The following ZNRF2 variants were observed in gnomAD, a reference collection of about 807,000 sequenced individuals.
The protein encoded by ZNRF2 is E3 ubiquitin-protein ligase ZNRF2.
In ZNRF2, 16 loss-of-function variants were observed where a neutral mutation model predicts 20.4. The ratio of observed to expected loss-of-function variants is 0.79; its 90% CI spans 0.53 to 1.19. The LOEUF (loss-of-function observed/expected upper bound fraction) is 1.19. ZNRF2 is among the 50% of genes most tolerant of loss of function. ZNRF2 has a pLI of 0.00. For missense variants in ZNRF2, 363 were observed against 332.4 expected (o/e 1.09, Z -0.72); for synonymous variants, 178 against 144.9 (o/e 1.23, Z -1.64).
intron 1 of ZNRF2, among the ~76,000 whole-genome samples, chr7:30,319,140 C>T (rs180986931): frequency 6.6e-6 from 1 of 151,768 alleles, no homozygotes; most frequent in East Asian, 1.9e-4. Flanking sequence ...CGTTTTAGAA[C>T]TGTACTCTTT....
chr7:30,295,048 A>AGTGTGTGT (rs1562603702), intron 1 of ZNRF2, among the ~76,000 whole-genome samples: 85 of 79,078 alleles, frequency 1.1e-3, no homozygotes, highest in Non-Finnish European at 1.5e-3. Context: ...AGAGAGAGAG[A>AGTGTGTGT]GAGTGTGTGT....
At position 30,332,682 on chromosome 7, in the gene ZNRF2, A is replaced by G. The variant is rs148169083; in HGVS notation, c.565+8945A>G. On this transcript the variant is annotated intron_variant, in intron 2 of 4. Coordinates refer to ENST00000323037, the MANE Select transcript of ZNRF2 (RefSeq NM_147128.4). The stretch of plus-strand genomic sequence containing the variant: ...AGTATAATGGCCTCTAGCTGCATCC[A>G]TATTGCTGCAAATGATATTGTTTCA... Among the ~76,000 whole-genome samples the G allele has an allele frequency of 3.3e-5, 5 of 152,234 alleles. No individual in the cohort carries two copies. The East Asian group carries it at 9.7e-4, about 29-fold the overall frequency.
intron 1 of ZNRF2, among the ~76,000 whole-genome samples, chr7:30,302,651 T>G (rs1393776895): frequency 6.6e-6 from 1 of 152,166 alleles, no homozygotes; most frequent in Non-Finnish European, 1.5e-5. Flanking sequence ...GTAGAAATAT[T>G]GCTGTTGTTT....
At chr7:30,316,813 T>C (rs1308637330) in intron 1 of ZNRF2, among the ~76,000 whole-genome samples, 5 of 152,328 alleles carry the variant, frequency 3.3e-5, no homozygotes, top group African/African-American at 1.2e-4. Flanking sequence ...TTATAGAAGT[T>C]AGTTAGCTTG....
In ZNRF2 at chr7:30,285,406, G is replaced by A; in HGVS notation, c.49G>A (p.Ala17Thr). 4.8e-6 allele frequency: 6 copies of A among 1,261,734 alleles called. No individual in the cohort carries two copies. The highest frequency in any genetic ancestry group is 3.0e-5 in the South Asian group (2 of 65,784). The allele number at this position is 1,261,734 out of a possible 1,614,324, so 78.2% of individuals were successfully genotyped here. ...GPAAANGRTR[A>T]YSGSDLPSSS... The stretch of plus-strand genomic sequence containing the variant: ...GGCCGCCGCTAACGGCCGCACGCGC[G>A]CGTACTCGGGCTCGGATCTACCTTC... Residue 17 changes from alanine (A) to threonine (T), a missense_variant, in exon 1 of 5, where the codon GCG (alanine) becomes ACG (threonine). Physicochemically the swap from Ala to Thr is moderately conservative, Grantham distance 58. Transcript: ENST00000323037.
At chr7:30,296,943 T>C (rs1257225385) in intron 1 of ZNRF2, among the ~76,000 whole-genome samples, 1 of 152,244 alleles carries the variant, frequency 6.6e-6, no homozygotes, top group Non-Finnish European at 1.5e-5. Flanking sequence ...AGCTGTTATC[T>C]GGAGATGAGA....
chr7:30,305,858 A>G (rs944399586), intron 1 of ZNRF2, among the ~76,000 whole-genome samples: 4 of 152,172 alleles, frequency 2.6e-5, no homozygotes, highest in African/African-American at 9.6e-5. Flanking sequence ...TGTGATTCTT[A>G]TTACATTCAT....
chr7:30,312,969 T>A (rs1562609302), intron 1 of ZNRF2, among the ~76,000 whole-genome samples: 1 of 152,172 alleles, frequency 6.6e-6, no homozygotes. Context: ...GAGGAATAAT[T>A]TATATATCTT....
chr7:30,303,596 A>G (rs1799153710), intron 1 of ZNRF2, among the ~76,000 whole-genome samples: 1 of 152,178 alleles, frequency 6.6e-6, no homozygotes, highest in Non-Finnish European at 1.5e-5. Flanking sequence ...ATAAACTGTG[A>G]TGTTAGTGTT....
chr7:30,365,147 C>CTTTTTTTT (rs533354831), intron 4 of ZNRF2, among the ~76,000 whole-genome samples: 2 of 70,328 alleles, frequency 2.8e-5, no homozygotes, highest in African/African-American at 6.2e-5. Context: ...AGCTGATAAG[C>CTTTTTTTT]TTTTTTTTTT....
intron 1 of ZNRF2, among the ~76,000 whole-genome samples, chr7:30,290,858 G>T (rs555362085): frequency 5.3e-5 from 8 of 152,290 alleles, no homozygotes; most frequent in African/African-American, 1.9e-4. Context: ...TAATAAACAT[G>T]AACTTAACCC....
chr7:30,314,439 A>G (rs1346505359), intron 1 of ZNRF2, among the ~76,000 whole-genome samples: 1 of 152,162 alleles, frequency 6.6e-6, no homozygotes, highest in African/African-American at 2.4e-5. Context: ...TTTGTAGGTT[A>G]TATGTATTTA....
chr7:30,317,013 G>T (rs907400101), intron 1 of ZNRF2, among the ~76,000 whole-genome samples: 2 of 151,474 alleles, frequency 1.3e-5, no homozygotes, highest in African/African-American at 4.9e-5. Flanking sequence ...TTTTTTACTG[G>T]CATGTTTAAA....
At chr7:30,361,647 C>T (rs538249326) in intron 3 of ZNRF2, among the ~76,000 whole-genome samples, 2 of 152,106 alleles carry the variant, frequency 1.3e-5, no homozygotes, top group African/African-American at 2.4e-5. Flanking sequence ...TATGCTGTCC[C>T]CTAGAGTAGT....
At chr7:30,351,742 T>G (rs527305797) in intron 2 of ZNRF2, among the ~76,000 whole-genome samples, 2 of 152,050 alleles carry the variant, frequency 1.3e-5, no homozygotes, top group Non-Finnish European at 2.9e-5. Flanking sequence ...ATGTGTAAAA[T>G]GAAGGTAACA....
At chr7:30,349,584 TAA>T (rs571078299) in intron 2 of ZNRF2, among the ~76,000 whole-genome samples, 2 of 145,722 alleles carry the variant, frequency 1.4e-5, no homozygotes, top group African/African-American at 2.5e-5. Context: ...AACTGTAAAT[TAA>T]AAAAAAAAAA....
intron 1 of ZNRF2, among the ~76,000 whole-genome samples, chr7:30,290,359 G>T (rs897988538): frequency 1.3e-5 from 2 of 152,180 alleles, no homozygotes. Flanking sequence ...ATTTCTGTGG[G>T]TCAAGAGGCT....
intron 2 of ZNRF2, among the ~76,000 whole-genome samples, chr7:30,340,794 T>TG (rs1470674433): frequency 2.0e-5 from 3 of 152,312 alleles, no homozygotes; most frequent in African/African-American, 7.2e-5. Context: ...TTCTATTGTT[T>TG]GGAATAGTTT....
At position 30,355,836 on chromosome 7, in the gene ZNRF2, A is replaced by G. The variant is rs777033170; in HGVS notation, c.671+3A>G. ...TGTCTATGCATATATCATAAAGGGTAAGTTCACCAAGTTGGTATTAGAGTA... is the reference window on the plus strand; with the variant it reads ...TGTCTATGCATATATCATAAAGGGTGAGTTCACCAAGTTGGTATTAGAGTA... On this transcript the variant is annotated splice_donor_region_variant and intron_variant, in intron 3 of 4. Coordinates refer to ENST00000323037, the MANE Select transcript of ZNRF2 (RefSeq NM_147128.4). 1.3e-6 allele frequency: 2 copies of G among 1,598,594 alleles called. No individual in the cohort carries two copies. The highest frequency in any genetic ancestry group is 2.2e-5 in the South Asian group (2 of 90,366).
Sources: gnomAD v4.1 joint callset for allele counts (sites outside exome capture counted in the v4.1 genomes callset) on GRCh38, gnomAD v4.1.1 for gene constraint, MANE v1.5 for transcripts, NCBI Gene and HGNC (gene_info 2026-07-23, HGNC 2026-07-21) for gene names.